Variants in PRKN observed in about 807,000 individuals in gnomAD.
PRKN encodes parkin RBR E3 ubiquitin protein ligase.
A neutral mutation model predicts 59.5 loss-of-function variants in PRKN; 56 were observed. The ratio of observed to expected loss-of-function variants is 0.94; its 90% CI spans 0.76 to 1.18. The LOEUF (loss-of-function observed/expected upper bound fraction) is 1.18. PRKN is among the 50% of genes most tolerant of loss of function. The probability of loss-of-function intolerance (pLI) is 0.00; values close to 1 mark genes in which losing one functional copy is unlikely to be tolerated. For missense variants in PRKN, 657 were observed against 596.4 expected (o/e 1.10, Z -1.06); for synonymous variants, 250 against 222.1 (o/e 1.13, Z -1.12).
intron 3 of PRKN, among the ~76,000 whole-genome samples, chr6:162,249,710 T>C (rs1779345066): frequency 6.6e-6 from 1 of 152,126 alleles, no homozygotes; most frequent in Non-Finnish European, 1.5e-5. Context: ...ATTATATGGC[T>C]ATAGATTTGT....
intron 7 of PRKN, among the ~76,000 whole-genome samples, chr6:161,628,221 A>G (rs1193237135): frequency 6.6e-6 from 1 of 152,234 alleles, no homozygotes; most frequent in Non-Finnish European, 1.5e-5. Context: ...TTTGGTTTGA[A>G]GAAATGAGTG....
intron 4 of PRKN, among the ~76,000 whole-genome samples, chr6:162,128,390 C>A (rs1781204706): frequency 6.6e-6 from 1 of 152,082 alleles, no homozygotes; most frequent in Admixed American, 6.6e-5. Context: ...TATTTGACTA[C>A]AGATAATGCA....
rs1778090096 is a variant in PRKN at position 161,504,694 on chromosome 6, T to G, written c.1083+44160A>C. On this transcript the variant is annotated intron_variant, in intron 9 of 11. Transcript: ENST00000366898. ...CCCCCCTCCCCCCACCCCACAACAG[T>G]CCCCAGAGTGTGATGTTCCCCCTCC... Among the ~76,000 whole-genome samples, 3 of 111,378 alleles carry G rather than the reference T, an allele frequency of 2.7e-5. No homozygotes were observed. The South Asian group carries it at 9.4e-4, about 35-fold the overall frequency. 73.1% of individuals were successfully genotyped at this position (111,378 alleles called of 152,430 possible). A position where few individuals can be genotyped will look rare whatever the true frequency, so the allele number is the denominator to read the frequency against.
rs62430700 is a variant in PRKN, at chr6:162,360,094, G to T, written c.171+83216C>A. Among the ~76,000 whole-genome samples the T allele has an allele frequency of 2.1e-3, 314 of 151,654 alleles. 1 individual carries two copies. Among genetic ancestry groups the T allele is most frequent in the Non-Finnish European group, 3.8e-3 (257 of 67,884 alleles). On this transcript the variant is annotated intron_variant, in intron 2 of 11. Transcript: ENST00000366898. ...ATATATACATATGTGTGTGTGTGTG[G>T]GTGGGTGTGGGTGTGGGTGCGGGTG...
At chr6:162,584,264 T>C (rs1780918584) in intron 1 of PRKN, among the ~76,000 whole-genome samples, 1 of 149,786 alleles carries the variant, frequency 6.7e-6, no homozygotes, top group African/African-American at 2.5e-5. Flanking sequence ...AAAAAAACAC[T>C]GACTATATTT....
In PRKN at chr6:162,386,466, G is replaced by C. The variant is rs531874354; in HGVS notation, c.171+56844C>G. ...TTGTCTCTGCTCCTGCCACAAAACA[G>C]AAACATGAGAAAGTCCACTCGTACT... On this transcript the variant is annotated intron_variant, in intron 2 of 11. Coordinates refer to ENST00000366898, the MANE Select transcript of PRKN (RefSeq NM_004562.3). Among the ~76,000 whole-genome samples, 3 of 152,304 alleles carry C rather than the reference G, an allele frequency of 2.0e-5. No homozygotes were observed. In the South Asian group the frequency reaches 6.2e-4, roughly 32 times the overall value.
At chr6:162,616,619 G>C (rs1782432009) in intron 1 of PRKN, among the ~76,000 whole-genome samples, 1 of 152,076 alleles carries the variant, frequency 6.6e-6, no homozygotes, top group African/African-American at 2.4e-5. Flanking sequence ...ATATAGCCAA[G>C]CATATCTGAG....
chr6:161,666,733 G>A (rs1486206109), intron 7 of PRKN, among the ~76,000 whole-genome samples: 5 of 152,220 alleles, frequency 3.3e-5, no homozygotes, highest in African/African-American at 1.2e-4. Context: ...TCACTGTCCT[G>A]AATGATATAA....
chr6:161,854,851 G>A (rs1047823159), intron 6 of PRKN, among the ~76,000 whole-genome samples: 13 of 152,018 alleles, frequency 8.6e-5, no homozygotes, highest in South Asian at 2.1e-4. Context: ...CTGGGAGGCC[G>A]AGGCGGGTGG....
intron 1 of PRKN, among the ~76,000 whole-genome samples, chr6:162,476,225 T>C (rs1442438535): frequency 1.3e-5 from 2 of 151,970 alleles, no homozygotes; most frequent in African/African-American, 2.4e-5. Flanking sequence ...GCCCTACTTA[T>C]TTTTATTTAT....
intron 8 of PRKN, among the ~76,000 whole-genome samples, chr6:161,567,033 T>TG (rs1244388996): frequency 2.7e-5 from 3 of 112,040 alleles, no homozygotes; most frequent in African/African-American, 1.0e-4. Flanking sequence ...TTTTTTTTTT[T>TG]TTTTTGTGTG....
intron 9 of PRKN, among the ~76,000 whole-genome samples, chr6:161,421,291 G>A (rs1292017184): frequency 6.6e-6 from 1 of 152,138 alleles, no homozygotes; most frequent in Non-Finnish European, 1.5e-5. Flanking sequence ...AAATTCTCAG[G>A]TGACTTTGAA....
At chr6:162,069,395 G>A (rs1778480530) in intron 4 of PRKN, among the ~76,000 whole-genome samples, 1 of 152,102 alleles carries the variant, frequency 6.6e-6, no homozygotes, top group East Asian at 1.9e-4. Context: ...CCAGACTCAG[G>A]TATGTCTTTA....
Position 161,352,159 on chromosome 6 carries a change from T to A in PRKN, c.1286-1948A>T, listed in dbSNP as rs111272352. On this transcript the variant is annotated intron_variant, in intron 11 of 11. Transcript: ENST00000366898. The surrounding 1 kb of genome is among the most constrained non-coding windows in gnomAD (Gnocchi z 5.8). ...CTCCATTACTCACTCTTACCAATTA[T>A]CTTGTTAATTGATTTTTCCTGCCAA... 4.6e-5 allele frequency among the ~76,000 whole-genome samples: 7 copies of A among 152,344 alleles called. No homozygotes were observed. The highest frequency in any genetic ancestry group is 4.1e-4 in the South Asian group (2 of 4,828).
intron 3 of PRKN, among the ~76,000 whole-genome samples, chr6:162,237,848 C>G (rs113324701): frequency 2.3e-4 from 35 of 151,880 alleles, no homozygotes; most frequent in African/African-American, 8.4e-4. Context: ...CAGATACGTA[C>G]TGGCCATCTG....
intron 8 of PRKN, among the ~76,000 whole-genome samples, chr6:161,563,754 G>A (rs1780538259): frequency 6.6e-6 from 1 of 152,098 alleles, no homozygotes; most frequent in Non-Finnish European, 1.5e-5. Context: ...GAAATTAGAG[G>A]TCTGCTGTGG....
At chr6:162,404,232 T>C (rs938639659) in intron 2 of PRKN, among the ~76,000 whole-genome samples, 4 of 151,682 alleles carry the variant, frequency 2.6e-5, no homozygotes, top group African/African-American at 7.3e-5. Flanking sequence ...TTAGCCGATG[T>C]GGTGGCATGT....
intron 7 of PRKN, among the ~76,000 whole-genome samples, chr6:161,772,327 AG>A: frequency 6.6e-6 from 1 of 152,330 alleles, no homozygotes; most frequent in African/African-American, 2.4e-5. Flanking sequence ...AAGATATAGC[AG>A]GCATCTCATT....
intron 8 of PRKN, among the ~76,000 whole-genome samples, chr6:161,559,057 A>AAC (rs1780353765): frequency 7.2e-6 from 1 of 138,708 alleles, no homozygotes; most frequent in Non-Finnish European, 1.6e-5. Flanking sequence ...CCTAAAAAAA[A>AAC]AAAAAAAAAC....
Sources: gnomAD v4.1 joint callset for allele counts (sites outside exome capture counted in the v4.1 genomes callset) on GRCh38, gnomAD v4.1.1 for gene constraint, Gnocchi (gnomAD v3.1) non-coding constraint, MANE v1.5 for transcripts, NCBI Gene and HGNC (gene_info 2026-07-23, HGNC 2026-07-21) for gene names.